PCDHGB2: variants seen among roughly 807,000 people sequenced by gnomAD.
The protein encoded by PCDHGB2 is protocadherin gamma-B2.
A neutral mutation model predicts 59.3 loss-of-function variants in PCDHGB2; 55 were observed. The observed-to-expected ratio is 0.93, with a 90% confidence interval of 0.75 to 1.16. The LOEUF (loss-of-function observed/expected upper bound fraction) is 1.16. Ranked by LOEUF, PCDHGB2 falls within the 50% of genes most tolerant of loss-of-function variation. The pLI is 0.00. For missense variants in PCDHGB2, 1,228 were observed against 1,198.5 expected, an observed-to-expected ratio of 1.02 and a Z score of -0.36; for synonymous variants, 516 against 512.0, an observed-to-expected ratio of 1.01 and a Z score of -0.11.
At chr5:141,411,425 A>AC (rs971774943) in intron 1 of PCDHGB2, 58 of 150,512 alleles carry the variant, frequency 3.9e-4, no homozygotes, top group African/African-American at 1.4e-3. Flanking sequence ...AACAACAACA[A>AC]AAAAAAACAT....
At chr5:141,366,010 T>A in intron 1 of PCDHGB2, 1 of 1,614,232 alleles carries the variant, frequency 6.2e-7, no homozygotes, top group South Asian at 1.1e-5. Context: ...ACAATACGCC[T>A]GAGATCCTGT....
At position 141,414,753 on chromosome 5, in the gene PCDHGB2, T is replaced by C. The variant is rs10041534; in HGVS notation, c.2421+52197T>C. 7.9e-4 allele frequency: 1,273 copies of C among 1,614,202 alleles called. 15 individuals carry two copies. The African/African-American group carries it at 0.015, about 19-fold the overall frequency. ...TGTATGCACTCAGATCCTTCGACTA[T>C]GAGCAGTTTCATGAGCTACAGATGC... On this transcript the variant is annotated intron_variant, in intron 1 of 3. Transcript: ENST00000522605.
chr5:141,426,642 G>T, intron 1 of PCDHGB2: 1 of 411,420 alleles, frequency 2.4e-6, no homozygotes, highest in South Asian at 1.7e-5. Context: ...TCACATAAAT[G>T]TGATGATAGA....
chr5:141,379,047 T>C (rs570619122), intron 1 of PCDHGB2: 2 of 152,352 alleles, frequency 1.3e-5, no homozygotes, highest in East Asian at 1.9e-4. Flanking sequence ...GGTGGTATTA[T>C]AGAATGGATT....
At chr5:141,425,392 A>G (rs2096872216) in intron 1 of PCDHGB2, among the ~76,000 whole-genome samples, 1 of 152,232 alleles carries the variant, frequency 6.6e-6, no homozygotes, top group African/African-American at 2.4e-5. Flanking sequence ...GGTAGTGATA[A>G]AGTTCTGTTA....
chr5:141,501,125 C>A (rs2099805699), intron 2 of PCDHGB2, among the ~76,000 whole-genome samples: 1 of 152,140 alleles, frequency 6.6e-6, no homozygotes, highest in South Asian at 2.1e-4. Context: ...CCTCAGCCTC[C>A]CTAAGTGCTG....
chr5:141,425,566 G>T (rs532293951), intron 1 of PCDHGB2, among the ~76,000 whole-genome samples: 1 of 152,348 alleles, frequency 6.6e-6, no homozygotes, highest in Admixed American at 6.5e-5. Context: ...TAAGTGATAA[G>T]AAGGGTTTGG....
chr5:141,383,360 T>A (rs1319923403), intron 1 of PCDHGB2: 1 of 1,613,888 alleles, frequency 6.2e-7, no homozygotes, highest in Non-Finnish European at 8.5e-7. Flanking sequence ...CGGTTTCCGT[T>A]AAGCGAGGCT....
intron 1 of PCDHGB2, among the ~76,000 whole-genome samples, chr5:141,449,056 G>A (rs149442150): frequency 6.6e-6 from 1 of 152,068 alleles, no homozygotes; most frequent in African/African-American, 2.4e-5. Flanking sequence ...TCATAAATGA[G>A]CGCTATTGAA....
At chr5:141,382,013 G>C (rs1000379234) in intron 1 of PCDHGB2, among the ~76,000 whole-genome samples, 1 of 151,580 alleles carries the variant, frequency 6.6e-6, no homozygotes, top group Admixed American at 6.6e-5. Flanking sequence ...ATTTTTAGTA[G>C]AGACGGGGTT....
At chr5:141,394,840 G>A in intron 1 of PCDHGB2, 3 of 1,613,834 alleles carry the variant, frequency 1.9e-6, no homozygotes, top group Non-Finnish European at 2.5e-6. Context: ...ACCGAGTTGG[G>A]CAGTCTGAAG....
At chr5:141,462,893 G>A (rs577241413) in intron 1 of PCDHGB2, among the ~76,000 whole-genome samples, 68 of 152,170 alleles carry the variant, frequency 4.5e-4, no homozygotes, top group African/African-American at 1.4e-3. Context: ...AGTTTGTTTT[G>A]GAAGGCTATT....
intron 1 of PCDHGB2, chr5:141,403,774 C>T (rs1350465491): frequency 1.9e-6 from 3 of 1,613,668 alleles, no homozygotes; most frequent in Non-Finnish European, 1.7e-6. Flanking sequence ...AGGGAATCAA[C>T]GGAAAAGTGG....
At chr5:141,498,346 C>T (rs780832000) in intron 2 of PCDHGB2, among the ~76,000 whole-genome samples, 1 of 150,796 alleles carries the variant, frequency 6.6e-6, no homozygotes, top group Non-Finnish European at 1.5e-5. Context: ...ATGGGAAAAG[C>T]CTATGCAAAA....
chr5:141,492,220 C>T (rs1388948434), intron 1 of PCDHGB2, among the ~76,000 whole-genome samples: 2 of 152,190 alleles, frequency 1.3e-5, no homozygotes, highest in Non-Finnish European at 1.5e-5. Context: ...GGGGCTCATG[C>T]GTGTCCTCCC....
chr5:141,418,228 T>C, intron 1 of PCDHGB2: 2 of 1,613,990 alleles, frequency 1.2e-6, no homozygotes, highest in Non-Finnish European at 1.7e-6. Context: ...TTGTGGTGAT[T>C]GAGGATGTTA....
intron 1 of PCDHGB2, chr5:141,428,285 C>G (rs765814584): frequency 1.1e-5 from 8 of 734,934 alleles, no homozygotes; most frequent in Non-Finnish European, 1.7e-5. Context: ...GATTCCCAAG[C>G]AAAGCTGCAG....
chr5:141,446,594 A>G (rs571957656), intron 1 of PCDHGB2, among the ~76,000 whole-genome samples: 8 of 152,136 alleles, frequency 5.3e-5, no homozygotes, highest in African/African-American at 1.9e-4. Flanking sequence ...CTTCTGCCTC[A>G]GCCTCCTGAG....
Position 141,431,972 on chromosome 5 carries a change from G to T in PCDHGB2, c.2422-62835G>T, listed in dbSNP as rs750484866. On this transcript the variant is annotated intron_variant, in intron 1 of 3. Coordinates refer to ENST00000522605, the MANE Select transcript of PCDHGB2 (RefSeq NM_018923.3). The surrounding 1 kb of genome is among the most constrained non-coding windows in gnomAD (Gnocchi z 4.8). ...ATCTTACGGAAATTACTATAGTTTA[G>T]TCACAGACATAGTCTTGGATAGGGA... is the stretch of plus-strand genomic sequence containing the variant. The T allele has an allele frequency of 8.1e-6, 13 of 1,614,072 alleles. No homozygotes were observed. Among genetic ancestry groups the T allele is most frequent in the Non-Finnish European group, 1.1e-5 (13 of 1,180,028 alleles).
Sources: gnomAD v4.1 joint callset for allele counts (sites outside exome capture counted in the v4.1 genomes callset) on GRCh38, gnomAD v4.1.1 for gene constraint, Gnocchi (gnomAD v3.1) non-coding constraint, MANE v1.5 for transcripts, NCBI Gene and HGNC (gene_info 2026-07-23, HGNC 2026-07-21) for gene names.